The following SLC38A1 variants were observed in gnomAD, a reference collection of about 807,000 sequenced individuals.
SLC38A1 encodes sodium-coupled neutral amino acid symporter 1.
A neutral mutation model predicts 60.3 loss-of-function variants in SLC38A1; 18 were observed. That is an observed-to-expected ratio of 0.30 (90% CI 0.21 to 0.44). SLC38A1 has a LOEUF of 0.44. Ranked by LOEUF, SLC38A1 falls within the 20% of genes least tolerant of loss-of-function variation. The probability of loss-of-function intolerance (pLI) is 1.00; values close to 1 mark genes in which losing one functional copy is unlikely to be tolerated. For missense variants in SLC38A1, 448 were observed against 587.2 expected, an observed-to-expected ratio of 0.76 and a Z score of 2.45; for synonymous variants, 196 against 212.1, an observed-to-expected ratio of 0.92 and a Z score of 0.66.
At position 46,243,228 on chromosome 12, in the gene SLC38A1, C is replaced by T. The variant is rs1941503906; in HGVS notation, c.-122G>A. 2 of 151,908 alleles carry T rather than the reference C, an allele frequency of 1.3e-5. No homozygotes were observed. The highest frequency in any genetic ancestry group is 4.8e-5 in the African/African-American group (2 of 41,346). 9.4% of individuals were successfully genotyped at this position (151,908 alleles called of 1,614,324 possible). A position where few individuals can be genotyped will look rare whatever the true frequency, so the allele number is the denominator to read the frequency against. On this transcript the variant is annotated 5_prime_UTR_variant, in exon 2 of 17. In the 5' UTR this introduces an upstream ATG that the reference lacks. Transcript: ENST00000398637. ...TTAGCTCAGCAAGCAGAGACGATCA[C>T]TCTATATATATTGTTGTATGGCCTT...
intron 5 of SLC38A1, among the ~76,000 whole-genome samples, chr12:46,220,917 T>C (rs1940632578): frequency 6.6e-6 from 1 of 152,198 alleles, no homozygotes; most frequent in African/African-American, 2.4e-5. Flanking sequence ...TCCCATAACA[T>C]ACAAGCAAGG....
intron 9 of SLC38A1, among the ~76,000 whole-genome samples, chr12:46,205,110 T>C (rs1056013565): frequency 6.6e-6 from 1 of 152,200 alleles, no homozygotes; most frequent in African/African-American, 2.4e-5. Flanking sequence ...GGCTCTTTAG[T>C]AGCTCCCCTT....
chr12:46,244,143 C>T (rs1455181901), intron 1 of SLC38A1, among the ~76,000 whole-genome samples: 1 of 151,916 alleles, frequency 6.6e-6, no homozygotes, highest in Admixed American at 6.6e-5. Flanking sequence ...TGCATACATG[C>T]ATGAAGGAGG....
chr12:46,246,192 C>G lies in SLC38A1; in HGVS notation c.-208-2878G>C, dbSNP rs117346890. On this transcript the variant is annotated intron_variant, in intron 1 of 16. Transcript: ENST00000398637. Reference sequence around the variant, plus strand: ...ACAGCCCACAGAGGGTGAGGCGAAGCAGGGCGGGGTGTTGCCTCACTCAGG... The same window carrying G: ...ACAGCCCACAGAGGGTGAGGCGAAGGAGGGCGGGGTGTTGCCTCACTCAGG... Among the ~76,000 whole-genome samples the G allele has an allele frequency of 2.9e-3, 442 of 152,304 alleles. 7 individuals carry two copies. The East Asian group carries it at 0.059, about 20-fold the overall frequency.
intron 16 of SLC38A1, among the ~76,000 whole-genome samples, chr12:46,189,645 A>G (rs1592053691): frequency 6.6e-6 from 1 of 152,222 alleles, no homozygotes; most frequent in Non-Finnish European, 1.5e-5. Context: ...CCCAAATCTC[A>G]TCTTGAATTT....
intron 11 of SLC38A1, among the ~76,000 whole-genome samples, chr12:46,203,813 G>A (rs1565756712): frequency 6.6e-6 from 1 of 152,250 alleles, no homozygotes; most frequent in East Asian, 1.9e-4. Context: ...TTTACTCAAG[G>A]GGTTGGGTGA....
chr12:46,263,910 TC>T (rs1160675053), intron 1 of SLC38A1, among the ~76,000 whole-genome samples: 1 of 152,240 alleles, frequency 6.6e-6, no homozygotes, highest in Non-Finnish European at 1.5e-5. Flanking sequence ...TAAGACTTTG[TC>T]AAGCAACATA....
chr12:46,233,917 A>T (rs1016488169), intron 3 of SLC38A1, among the ~76,000 whole-genome samples: 33 of 152,180 alleles, frequency 2.2e-4, no homozygotes, highest in African/African-American at 8.0e-4. Flanking sequence ...CTTTTGCCTC[A>T]ATGTTCCAAT....
intron 8 of SLC38A1, 106 bp downstream of exon 8, chr12:46,207,049 G>T: frequency 1.4e-6 from 1 of 726,824 alleles, no homozygotes; most frequent in Non-Finnish European, 2.2e-6. Context: ...ACAAAACGCA[G>T]CCTAGGAAAA....
intron 2 of SLC38A1, among the ~76,000 whole-genome samples, chr12:46,241,542 A>T: frequency 6.6e-6 from 1 of 152,210 alleles, no homozygotes; most frequent in East Asian, 1.9e-4. Flanking sequence ...TTCCTCAAGA[A>T]GGAGGAGAGC....
intron 5 of SLC38A1, among the ~76,000 whole-genome samples, chr12:46,222,615 T>C (rs1940703323): frequency 6.6e-6 from 1 of 152,220 alleles, no homozygotes; most frequent in African/African-American, 2.4e-5. Flanking sequence ...TACTCTATTT[T>C]ATGAAAGTAC....
At chr12:46,208,813 T>C (rs1467993716) in intron 6 of SLC38A1, among the ~76,000 whole-genome samples, 22 of 152,204 alleles carry the variant, frequency 1.4e-4, no homozygotes, top group Non-Finnish European at 3.2e-4. Context: ...ACAGGTATAA[T>C]TGAGGGTTCA....
chr12:46,258,692 C>T (rs1347298274), intron 1 of SLC38A1, among the ~76,000 whole-genome samples: 2 of 152,176 alleles, frequency 1.3e-5, no homozygotes, highest in East Asian at 1.9e-4. Flanking sequence ...CTCACTCTGT[C>T]ACCCAGGCTG....
At chr12:46,210,239 T>G (rs545498138) in intron 5 of SLC38A1, among the ~76,000 whole-genome samples, 13 of 152,314 alleles carry the variant, frequency 8.5e-5, no homozygotes, top group African/African-American at 3.1e-4. Context: ...CTCAGCTGTC[T>G]ATGATCCTAC....
intron 16 of SLC38A1, among the ~76,000 whole-genome samples, chr12:46,191,741 G>C (rs183150426): frequency 6.6e-6 from 1 of 152,144 alleles, no homozygotes; most frequent in Non-Finnish European, 1.5e-5. Context: ...TCTATTATTG[G>C]TGTATAGGAA....
At chr12:46,255,027 CCT>C (rs1201098195) in intron 1 of SLC38A1, 5 of 152,116 alleles carry the variant, frequency 3.3e-5, no homozygotes, top group African/African-American at 9.7e-5. Flanking sequence ...TTAGTTAACC[CCT>C]GTTCTTGATA....
At chr12:46,244,647 T>C (rs746927616) in intron 1 of SLC38A1, among the ~76,000 whole-genome samples, 19 of 152,206 alleles carry the variant, frequency 1.2e-4, no homozygotes, top group Admixed American at 9.2e-4. Flanking sequence ...CTTGAGATAA[T>C]GGCTTCCTGA....
chr12:46,220,603 A>G (rs575996162), intron 5 of SLC38A1, among the ~76,000 whole-genome samples: 1 of 152,356 alleles, frequency 6.6e-6, no homozygotes, highest in South Asian at 2.1e-4. Flanking sequence ...ATGACTTACC[A>G]TTTATAAGGA....
intron 1 of SLC38A1, among the ~76,000 whole-genome samples, chr12:46,251,008 T>G (rs926739062): frequency 6.6e-6 from 1 of 152,112 alleles, no homozygotes; most frequent in Non-Finnish European, 1.5e-5. Context: ...AAAGTTCATA[T>G]GGAACCAAAA....
Sources: allele counts gnomAD v4.1 joint callset (sites outside exome capture counted in the v4.1 genomes callset), GRCh38; gene constraint gnomAD v4.1.1; transcripts MANE v1.5; gene names NCBI Gene and HGNC (gene_info 2026-07-23, HGNC 2026-07-21).